Variants in NSMCE2 observed in about 807,000 individuals in gnomAD.
NSMCE2 encodes E3 SUMO-protein ligase NSE2.
A neutral mutation model predicts 23.8 loss-of-function variants in NSMCE2; 24 were observed. That is an observed-to-expected ratio of 1.01 (90% CI 0.73 to 1.42). The LOEUF (loss-of-function observed/expected upper bound fraction) is 1.42, where lower values mean the gene tolerates loss of function less well. Among genes scored for constraint, NSMCE2 ranks in the 40% most tolerant of loss-of-function variants. The pLI is 0.00. For missense variants in NSMCE2, 284 were observed against 296.5 expected (o/e 0.96, Z 0.31); for synonymous variants, 92 against 94.1 (o/e 0.98, Z 0.13).
intron 3 of NSMCE2, among the ~76,000 whole-genome samples, chr8:125,107,018 A>C (rs6987612): frequency 0.033 from 4,942 of 151,926 alleles, 114 homozygotes; most frequent in Middle Eastern, 0.078. Flanking sequence ...ACAAAAAAAA[A>C]CTTTCATTTT....
Position 125,269,096 on chromosome 8 carries a change from T to G in NSMCE2, c.418+86840T>G, listed in dbSNP as rs538670560. On this transcript the variant is annotated intron_variant, in intron 5 of 7. Coordinates refer to ENST00000287437, the MANE Select transcript of NSMCE2 (RefSeq NM_173685.4). ...TGACTCTTTAACTTTGTTTTTTGTT[T>G]GTTTTTTTGAGACAGAGTCCCACTC... 1.4e-3 allele frequency among the ~76,000 whole-genome samples: 220 copies of G among 152,290 alleles called. 1 individual carries two copies. The highest frequency in any genetic ancestry group is 5.2e-3 in the African/African-American group (215 of 41,566).
chr8:125,207,132 G>A (rs550679661), intron 5 of NSMCE2, among the ~76,000 whole-genome samples: 28 of 151,498 alleles, frequency 1.8e-4, no homozygotes, highest in African/African-American at 6.8e-4. Flanking sequence ...GATTATGGGG[G>A]CAGAGGGATG....
intron 7 of NSMCE2, among the ~76,000 whole-genome samples, chr8:125,360,060 G>GT (rs1813461879): frequency 6.6e-6 from 1 of 152,196 alleles, no homozygotes; most frequent in African/African-American, 2.4e-5. Context: ...CTGACTGAAT[G>GT]TAAGAGAAAG....
chr8:125,220,605 CTCTT>C (rs1824808112), intron 5 of NSMCE2, among the ~76,000 whole-genome samples: 1 of 150,958 alleles, frequency 6.6e-6, no homozygotes, highest in Non-Finnish European at 1.5e-5. Flanking sequence ...AATAAAATGA[CTCTT>C]TCAGAAGGAT....
At chr8:125,183,214 C>T (rs1395957142) in intron 5 of NSMCE2, among the ~76,000 whole-genome samples, 1 of 152,132 alleles carries the variant, frequency 6.6e-6, no homozygotes, top group Non-Finnish European at 1.5e-5. Context: ...AATAGGCTTT[C>T]TTTTAAATAT....
At chr8:125,171,605 G>T (rs375945304) in intron 4 of NSMCE2, among the ~76,000 whole-genome samples, 1 of 152,200 alleles carries the variant, frequency 6.6e-6, no homozygotes, top group African/African-American at 2.4e-5. Flanking sequence ...AGCAGCTGCT[G>T]CTACTAATAC....
chr8:125,123,470 A>C (rs1819364546), intron 3 of NSMCE2, among the ~76,000 whole-genome samples: 1 of 152,262 alleles, frequency 6.6e-6, no homozygotes, highest in African/African-American at 2.4e-5. Flanking sequence ...AAAATGAAGG[A>C]GACACTTGAC....
intron 5 of NSMCE2, among the ~76,000 whole-genome samples, chr8:125,267,302 C>T (rs117717436): frequency 0.033 from 5,063 of 152,210 alleles, 180 homozygotes; most frequent in South Asian, 0.18. Context: ...CCACCGCGCC[C>T]AGCCAAGGGT....
chr8:125,328,413 G>T lies in NSMCE2; in HGVS notation c.419-28806G>T, dbSNP rs547246061. On this transcript the variant is annotated intron_variant, in intron 5 of 7. Coordinates refer to ENST00000287437, the MANE Select transcript of NSMCE2 (RefSeq NM_173685.4). ...AGAAAGGTGTATAAAAGCACATGGAGAGCTATGAACGTGCAAATTGCTGAG... is the reference window on the plus strand; with the variant it reads ...AGAAAGGTGTATAAAAGCACATGGATAGCTATGAACGTGCAAATTGCTGAG... Among the ~76,000 whole-genome samples the T allele has an allele frequency of 1.9e-4, 29 of 152,320 alleles. No homozygotes were observed. In the South Asian group the frequency reaches 6.0e-3, roughly 32 times the overall value.
At chr8:125,250,215 C>G (rs2131009149) in intron 5 of NSMCE2, among the ~76,000 whole-genome samples, 1 of 152,264 alleles carries the variant, frequency 6.6e-6, no homozygotes, top group South Asian at 2.1e-4. Flanking sequence ...TTCTAGAACT[C>G]CTGACCTTGG....
intron 5 of NSMCE2, among the ~76,000 whole-genome samples, chr8:125,232,083 C>T (rs1020024239): frequency 5.9e-5 from 9 of 152,224 alleles, no homozygotes; most frequent in African/African-American, 1.9e-4. Flanking sequence ...GTGCTGATGC[C>T]GGGCGCAGTG....
intron 5 of NSMCE2, among the ~76,000 whole-genome samples, chr8:125,183,223 A>G (rs1463767221): frequency 1.3e-5 from 2 of 152,210 alleles, no homozygotes; most frequent in Non-Finnish European, 2.9e-5. Context: ...TCTTTTAAAT[A>G]TAAGCATTTT....
At chr8:125,188,856 G>A (rs905283895) in intron 5 of NSMCE2, among the ~76,000 whole-genome samples, 1 of 152,156 alleles carries the variant, frequency 6.6e-6, no homozygotes, top group Non-Finnish European at 1.5e-5. Context: ...GGCCAGGTAT[G>A]GGAGCCCCCT....
intron 5 of NSMCE2, among the ~76,000 whole-genome samples, chr8:125,333,091 G>A (rs1176211273): frequency 3.3e-5 from 5 of 152,154 alleles, no homozygotes; most frequent in Non-Finnish European, 5.9e-5. Flanking sequence ...GAAAATAAAG[G>A]TGTCTTGGTC....
intron 5 of NSMCE2, among the ~76,000 whole-genome samples, chr8:125,185,220 A>G (rs1296841258): frequency 6.6e-6 from 1 of 152,236 alleles, no homozygotes; most frequent in Non-Finnish European, 1.5e-5. Flanking sequence ...CTCTGCTGGC[A>G]GTGCACCAGC....
chr8:125,232,850 T>C (rs2130951546), intron 5 of NSMCE2, among the ~76,000 whole-genome samples: 1 of 152,264 alleles, frequency 6.6e-6, no homozygotes, highest in Admixed American at 6.5e-5. Context: ...AAAAGATAGG[T>C]TGGTAGTTGA....
In NSMCE2 at chr8:125,199,394, G is replaced by C. The variant is rs1475037873; in HGVS notation, c.418+17138G>C. Among the ~76,000 whole-genome samples, 3 of 152,022 alleles carry C rather than the reference G, an allele frequency of 2.0e-5. No homozygotes were observed. In the South Asian group the frequency reaches 6.2e-4, roughly 32 times the overall value. ...GGTACGTTGTATCTTTGTTCTCATT[G>C]GTTTCAAAGAACATCTTTATTTCTG... On this transcript the variant is annotated intron_variant, in intron 5 of 7. Transcript: ENST00000287437.
chr8:125,351,718 A>G (rs1813042444), intron 5 of NSMCE2, among the ~76,000 whole-genome samples: 1 of 152,208 alleles, frequency 6.6e-6, no homozygotes, highest in African/African-American at 2.4e-5. Flanking sequence ...CCTTAAAAAT[A>G]TTGTGGGGTT....
chr8:125,274,449 T>C (rs1317566394), intron 5 of NSMCE2, among the ~76,000 whole-genome samples: 3 of 152,262 alleles, frequency 2.0e-5, no homozygotes, highest in African/African-American at 7.2e-5. Flanking sequence ...GCTTTCTGAG[T>C]TGTGAGTCAA....
Sources: gnomAD v4.1 joint callset for allele counts (sites outside exome capture counted in the v4.1 genomes callset) on GRCh38, gnomAD v4.1.1 for gene constraint, MANE v1.5 for transcripts, NCBI Gene and HGNC (gene_info 2026-07-23, HGNC 2026-07-21) for gene names.